PLCB1: variants seen among roughly 807,000 people sequenced by gnomAD.
PLCB1 encodes the protein 1-phosphatidylinositol 4,5-bisphosphate phosphodiesterase beta-1.
A neutral mutation model predicts 161.8 loss-of-function variants in PLCB1; 46 were observed. The observed-to-expected ratio is 0.28, with a 90% CI of 0.22 to 0.36. The LOEUF (loss-of-function observed/expected upper bound fraction) is 0.36, where lower values mean the gene tolerates loss of function less well. Among genes scored for constraint, PLCB1 ranks in the 10% least tolerant of loss-of-function variants. The probability of loss-of-function intolerance (pLI) is 1.00; values close to 1 mark genes in which losing one functional copy is unlikely to be tolerated. For missense variants in PLCB1, 1,016 were observed against 1,472.5 expected (o/e 0.69, Z 5.07); for synonymous variants, 517 against 503.7 (o/e 1.03, Z -0.35).
chr20:8,260,493 T>C (rs947469959), intron 2 of PLCB1, among the ~76,000 whole-genome samples: 14 of 152,026 alleles, frequency 9.2e-5, no homozygotes, highest in African/African-American at 3.4e-4. Context: ...GTCAGGAATG[T>C]TGTCTGAGTC....
chr20:8,592,808 A>T (rs1347659417), intron 3 of PLCB1, among the ~76,000 whole-genome samples: 1 of 152,214 alleles, frequency 6.6e-6, no homozygotes, highest in Non-Finnish European at 1.5e-5. Flanking sequence ...ACTGAGGGCC[A>T]AGACTCTATG....
At chr20:8,595,286 T>G (rs1987300475) in intron 3 of PLCB1, among the ~76,000 whole-genome samples, 1 of 138,696 alleles carries the variant, frequency 7.2e-6, no homozygotes, top group African/African-American at 2.7e-5. Flanking sequence ...GAGTGTGATA[T>G]TCCGCTTCCT....
intron 2 of PLCB1, among the ~76,000 whole-genome samples, chr20:8,198,108 T>C (rs1346052710): frequency 6.6e-6 from 1 of 152,182 alleles, no homozygotes; most frequent in African/African-American, 2.4e-5. Flanking sequence ...CCTCCAGCTT[T>C]GTTCTTTTGG....
chr20:8,140,376 A>C (rs1212474160), intron 1 of PLCB1, among the ~76,000 whole-genome samples: 1 of 152,202 alleles, frequency 6.6e-6, no homozygotes, highest in Non-Finnish European at 1.5e-5. Context: ...TTGCGGTTCT[A>C]GGATTTCACA....
intron 2 of PLCB1, among the ~76,000 whole-genome samples, chr20:8,212,023 G>T (rs1272902400): frequency 6.6e-6 from 1 of 152,006 alleles, no homozygotes; most frequent in Non-Finnish European, 1.5e-5. Context: ...TAGTAATTAT[G>T]CTCCGACGTC....
At chr20:8,608,016 C>A (rs931448728) in intron 3 of PLCB1, among the ~76,000 whole-genome samples, 1 of 151,958 alleles carries the variant, frequency 6.6e-6, no homozygotes, top group Non-Finnish European at 1.5e-5. Flanking sequence ...AATTTTTACT[C>A]GTCCAACAAT....
chr20:8,279,197 T>C (rs1450063567), intron 2 of PLCB1, among the ~76,000 whole-genome samples: 1 of 152,176 alleles, frequency 6.6e-6, no homozygotes, highest in Non-Finnish European at 1.5e-5. Context: ...AACAAATACT[T>C]GTATGCCAGT....
chr20:8,640,305 C>A (rs151259883), intron 4 of PLCB1, among the ~76,000 whole-genome samples: 1 of 152,178 alleles, frequency 6.6e-6, no homozygotes, highest in African/African-American at 2.4e-5. Context: ...CCAAGAATTG[C>A]GATTGCTCCC....
At chr20:8,809,880 C>T (rs1984727824) in intron 31 of PLCB1, among the ~76,000 whole-genome samples, 1 of 152,140 alleles carries the variant, frequency 6.6e-6, no homozygotes. Context: ...CAACATTTTT[C>T]TAGCCCCCTC....
At chr20:8,322,867 A>G (rs993620698) in intron 2 of PLCB1, among the ~76,000 whole-genome samples, 7 of 152,190 alleles carry the variant, frequency 4.6e-5, no homozygotes, top group African/African-American at 1.7e-4. Context: ...GTTACTGACC[A>G]GACGACATGT....
At chr20:8,326,225 C>T (rs1337340270) in intron 2 of PLCB1, among the ~76,000 whole-genome samples, 1 of 152,178 alleles carries the variant, frequency 6.6e-6, no homozygotes. Flanking sequence ...TATTAATTCT[C>T]TGGGAAATTA....
chr20:8,638,184 G>A (rs574772464), intron 4 of PLCB1, among the ~76,000 whole-genome samples: 68 of 152,262 alleles, frequency 4.5e-4, no homozygotes, highest in Non-Finnish European at 8.4e-4. Flanking sequence ...GTGAGCCACC[G>A]CACCCAGCCA....
intron 9 of PLCB1, among the ~76,000 whole-genome samples, chr20:8,670,787 T>G (rs1989923300): frequency 6.6e-6 from 1 of 152,218 alleles, no homozygotes; most frequent in Non-Finnish European, 1.5e-5. Flanking sequence ...ATTTAGATTA[T>G]TTCTTAAAAT....
chr20:8,132,851 T>A lies in PLCB1; in HGVS notation c.99+101T>A, dbSNP rs2051306892. On this transcript the variant is annotated intron_variant, in intron 1 of 31. Transcript: ENST00000338037. The surrounding 1 kb of genome is among the most constrained non-coding windows in gnomAD (Gnocchi z 5.2). ...GGGGCGCGTTATGCAATGGGCGCAC[T>A]GGGAGCGGGCAGGGGCAGCCTCGGG... 2.5e-6 allele frequency: 2 copies of A among 792,886 alleles called. No individual in the cohort carries two copies. Among genetic ancestry groups the A allele is most frequent in the South Asian group, 1.6e-5 (1 of 63,300 alleles). The allele number at this position is 792,886 out of a possible 1,614,324, so 49.1% of individuals were successfully genotyped here. A position where few individuals can be genotyped will look rare whatever the true frequency, so the allele number is the denominator to read the frequency against.
At chr20:8,363,939 C>A (rs946462512) in intron 2 of PLCB1, among the ~76,000 whole-genome samples, 1 of 152,134 alleles carries the variant, frequency 6.6e-6, no homozygotes, top group African/African-American at 2.4e-5. Flanking sequence ...TTTTACAATT[C>A]TTGGTATGCT....
intron 2 of PLCB1, among the ~76,000 whole-genome samples, chr20:8,159,493 C>G (rs1041536357): frequency 3.9e-5 from 6 of 152,134 alleles, no homozygotes; most frequent in Non-Finnish European, 8.8e-5. Context: ...TCCCCATTGT[C>G]TTGAGGATTA....
chr20:8,509,504 G>A (rs1260194596), intron 3 of PLCB1, among the ~76,000 whole-genome samples: 2 of 152,142 alleles, frequency 1.3e-5, no homozygotes, highest in African/African-American at 4.8e-5. Context: ...TCATCAAACT[G>A]TATTCTTCTT....
chr20:8,763,480 G>A (rs1371576407), intron 25 of PLCB1, among the ~76,000 whole-genome samples: 3 of 152,172 alleles, frequency 2.0e-5, no homozygotes, highest in Non-Finnish European at 2.9e-5. Flanking sequence ...CTGCTTCCCA[G>A]GTTCAAGCAA....
chr20:8,531,485 A>G (rs989240297), intron 3 of PLCB1, among the ~76,000 whole-genome samples: 39 of 152,188 alleles, frequency 2.6e-4, no homozygotes, highest in African/African-American at 8.9e-4. Flanking sequence ...GTGTGTATTT[A>G]TATATGTATG....
Sources: gnomAD v4.1 joint callset for allele counts (sites outside exome capture counted in the v4.1 genomes callset) on GRCh38, gnomAD v4.1.1 for gene constraint, Gnocchi (gnomAD v3.1) non-coding constraint, MANE v1.5 for transcripts, NCBI Gene and HGNC (gene_info 2026-07-23, HGNC 2026-07-21) for gene names.